Variants in CRYBG2 observed in about 807,000 individuals in gnomAD.
The protein encoded by CRYBG2 is crystallin beta-gamma domain containing 2.
A neutral mutation model predicts 153.4 loss-of-function variants in CRYBG2; 106 were observed. That is an observed-to-expected ratio of 0.69 (90% CI 0.59 to 0.81). The LOEUF (loss-of-function observed/expected upper bound fraction) is 0.81, where lower values mean the gene tolerates loss of function less well. CRYBG2 is among the 30% of genes least tolerant of loss of function. The probability of loss-of-function intolerance (pLI) is 0.00; values close to 1 mark genes in which losing one functional copy is unlikely to be tolerated. For synonymous variants in CRYBG2, 851 were observed against 877.8 expected, an observed-to-expected ratio of 0.97 and a Z score of 0.54; for missense variants, 1,996 against 2,112.0, an observed-to-expected ratio of 0.95 and a Z score of 1.08.
intron 15 of CRYBG2, among the ~76,000 whole-genome samples, chr1:26,330,599 C>T (rs931167886): frequency 7.4e-6 from 1 of 135,784 alleles, no homozygotes; most frequent in Non-Finnish European, 1.5e-5. Context: ...AGTACGGTGG[C>T]GTTATCAGGG....
intron 18 of CRYBG2, among the ~76,000 whole-genome samples, chr1:26,322,716 C>A (rs1044281232): frequency 1.3e-5 from 2 of 152,162 alleles, no homozygotes; most frequent in African/African-American, 4.8e-5. Context: ...ACCTGCCCCA[C>A]GGTACTCTAG....
Position 26,346,134 on chromosome 1 carries a change from G to A in CRYBG2, c.524C>T (p.Thr175Ile), listed in dbSNP as rs371687538. The A allele has an allele frequency of 1.7e-4, 268 of 1,560,618 alleles. No homozygotes were observed. The highest frequency in any genetic ancestry group is 2.2e-4 in the Non-Finnish European group (256 of 1,157,998). The change falls in exon 2 of 20, where the codon ACA becomes ATA. Residue 175 changes from threonine (T) to isoleucine (I), a missense_variant. By Grantham distance (89) the Thr-to-Ile change is moderately conservative (BLOSUM62 -1). Coordinates refer to ENST00000308182, the MANE Select transcript of CRYBG2 (RefSeq NM_001039775.4). The surrounding 1 kb of genome is among the most constrained non-coding windows in gnomAD (Gnocchi z 4.9). ...CACTGTGGTGGTCCGCACAGTGCGT[G>A]TCACTCGGTATTCCTCGAGGCTCCG... is the stretch of plus-strand genomic sequence containing the variant. The part of the protein sequence containing the change: ...SSRSLEEYRV[T>I]RTVRTTTVVG...
At chr1:26,337,028 C>T (rs748980242) in intron 10 of CRYBG2, 48 bp from the exon 11 acceptor site, 2 of 1,606,446 alleles carry the variant, frequency 1.2e-6, no homozygotes, top group African/African-American at 2.7e-5. Flanking sequence ...AAACCGAAAC[C>T]CCTGGGAGTG....
At chr1:26,335,737 T>C (rs1161628627) in intron 14 of CRYBG2, among the ~76,000 whole-genome samples, 3 of 151,728 alleles carry the variant, frequency 2.0e-5, no homozygotes, top group African/African-American at 4.8e-5. Flanking sequence ...TATGAATAAA[T>C]TGTTATTAAT....
intron 5 of CRYBG2, among the ~76,000 whole-genome samples, chr1:26,341,586 A>G (rs1311136203): frequency 6.6e-6 from 1 of 151,920 alleles, no homozygotes; most frequent in Non-Finnish European, 1.5e-5. Flanking sequence ...TCCCGAGTTC[A>G]AGCGATTTTC....
chr1:26,329,469 C>T (rs1224284839), intron 15 of CRYBG2, among the ~76,000 whole-genome samples: 1 of 144,158 alleles, frequency 6.9e-6, no homozygotes, highest in Non-Finnish European at 1.5e-5. Context: ...AGCCACCATG[C>T]GCAGCTTAGA....
In CRYBG2 at chr1:26,336,653, A is replaced by G. The variant is rs1219322170; in HGVS notation, c.3991T>C (p.Trp1331Arg). The G allele has an allele frequency of 1.3e-6, 2 of 1,552,308 alleles. No homozygotes were observed. Among genetic ancestry groups the G allele is most frequent in the Middle Eastern group, 1.7e-4 (1 of 5,976 alleles). The change falls in exon 12 of 20, where the codon TGG becomes CGG. Residue 1331 changes from tryptophan (W) to arginine (R), a missense_variant. Coordinates refer to ENST00000308182, the MANE Select transcript of CRYBG2 (RefSeq NM_001039775.4). The surrounding 1 kb of genome is among the most constrained non-coding windows in gnomAD (Gnocchi z 4.9). ...GCGAGGGTGCTGTTGCCAGCGCCCC[A>G]GTCCTCGCAGTTACGATACACGCCC... ...EKGVYRNCEDWGAGNSTLASL... is the reference protein window; with the variant it reads ...EKGVYRNCEDRGAGNSTLASL...
chr1:26,336,966 C>T lies in CRYBG2; in HGVS notation c.3786G>A (p.Pro1262=), dbSNP rs148396600. The T allele has an allele frequency of 1.7e-4, 279 of 1,613,530 alleles. 1 individual carries two copies. The highest frequency in any genetic ancestry group is 2.1e-4 in the Non-Finnish European group (249 of 1,179,882). ...CCATGGCCTCAAATAGCACGACGGC[C>T]GGGTCCCCGAAGTCCTGGGTCCCCA... ...LRVIRTDFGD[P]AVVLFEAMDF... Residue 1262 remains proline, a synonymous_variant, in exon 11 of 20, where the codon CCG becomes CCA. Coordinates refer to ENST00000308182, the MANE Select transcript of CRYBG2 (RefSeq NM_001039775.4). The surrounding 1 kb of genome is among the most constrained non-coding windows in gnomAD (Gnocchi z 4.9).
chr1:26,322,374 C>T (rs774869930), intron 18 of CRYBG2, 51 bp from the exon 19 acceptor site: 14 of 1,566,484 alleles, frequency 8.9e-6, no homozygotes, highest in Middle Eastern at 3.9e-4. Flanking sequence ...AGGGACTCTA[C>T]TGTACCCAAG....
At chr1:26,338,499 C>A in intron 6 of CRYBG2, 22 bp from the exon 7 acceptor site, 1 of 1,585,156 alleles carries the variant, frequency 6.3e-7, no homozygotes, top group Non-Finnish European at 8.6e-7. Flanking sequence ...AGAGAGGCTG[C>A]TGCACCCTAG....
Position 26,344,285 on chromosome 1 carries a change from G to A in CRYBG2, c.2373C>T (p.Ser791=). 6.6e-7 allele frequency: 1 copy of A among 1,518,948 alleles called. No homozygotes were observed. Among genetic ancestry groups the A allele is most frequent in the Non-Finnish European group, 8.8e-7 (1 of 1,135,880 alleles). 94.1% of individuals were successfully genotyped at this position (1,518,948 alleles called of 1,614,324 possible). Residue 791 remains serine (S), a synonymous_variant, in exon 2 of 20, where the codon TCC becomes TCT. Coordinates refer to ENST00000308182, the MANE Select transcript of CRYBG2 (RefSeq NM_001039775.4). The part of the protein sequence containing the change: ...RTHRLPRAPR[S]SYLSMYATLP... ...GCGTGGCGTACATGGACAGGTAGGA[G>A]GAGCGAGGGGCTCGTGGCAGCCGGT...
intron 5 of CRYBG2, among the ~76,000 whole-genome samples, chr1:26,340,885 G>A (rs2074120905): frequency 6.6e-6 from 1 of 151,750 alleles, no homozygotes. Context: ...CCAAAGTGTT[G>A]GGATTACAGG....
At chr1:26,335,188 C>T (rs1284181982) in intron 14 of CRYBG2, among the ~76,000 whole-genome samples, 1 of 151,864 alleles carries the variant, frequency 6.6e-6, no homozygotes, top group East Asian at 1.9e-4. Flanking sequence ...ATCAAAACTA[C>T]TGGGGTCGCC....
chr1:26,345,220 C>A lies in CRYBG2; in HGVS notation c.1438G>T (p.Val480Leu). 4.7e-6 allele frequency: 7 copies of A among 1,477,544 alleles called. No homozygotes were observed. The highest frequency in any genetic ancestry group is 6.4e-6 in the Non-Finnish European group (7 of 1,089,696). 91.5% of individuals were successfully genotyped at this position (1,477,544 alleles called of 1,614,324 possible). A position where few individuals can be genotyped will look rare whatever the true frequency, so the allele number is the denominator to read the frequency against. Residue 480 changes from valine to leucine, a missense_variant, in exon 2 of 20, where the codon GTG becomes TTG. Transcript: ENST00000308182. ...PAASSPTRKE[V>L]VQGSSASAAS... is the part of the protein sequence containing the mutation. ...GCAGAAGCACTGGACCCCTGCACCACCTCCTTCCGGGTGGGAGATGAGGCA... is the reference window on the plus strand; with the variant it reads ...GCAGAAGCACTGGACCCCTGCACCAACTCCTTCCGGGTGGGAGATGAGGCA...
At chr1:26,339,022 G>A (rs1327493338) in intron 6 of CRYBG2, among the ~76,000 whole-genome samples, 1 of 152,214 alleles carries the variant, frequency 6.6e-6, no homozygotes, top group Non-Finnish European at 1.5e-5. Context: ...CCCTCATGGA[G>A]CTTAGATTCT....
rs912089501 is a variant in CRYBG2, at chr1:26,338,283, G to A, written c.3471+68C>T. On this transcript the variant is annotated intron_variant, in intron 7 of 19. Transcript: ENST00000308182. ...CCCCCATCCCTTCCCACAGACTGCA[G>A]GACCAGCTACTTGGGACCAGGGGCA... 7.8e-6 allele frequency: 12 copies of A among 1,532,868 alleles called. No homozygotes were observed. The African/African-American group carries it at 1.7e-4, about 21-fold the overall frequency. The allele number at this position is 1,532,868 out of a possible 1,614,324, so 95.0% of individuals were successfully genotyped here.
Position 26,336,004 on chromosome 1 carries a change from G to T in CRYBG2, c.4184+91C>A. The T allele has an allele frequency of 9.0e-7, 1 of 1,105,276 alleles. No homozygotes were observed. Among genetic ancestry groups the T allele is most frequent in the Non-Finnish European group, 1.3e-6 (1 of 793,322 alleles). 68.5% of individuals were successfully genotyped at this position (1,105,276 alleles called of 1,614,324 possible). The stretch of plus-strand genomic sequence containing the variant: ...AGACAGAACAGTTCATCGCAAGGTA[G>T]CCAAAGGAAGGAAATCATTTGAAAG... On this transcript the variant is annotated intron_variant, in intron 14 of 19. Transcript: ENST00000308182. The surrounding 1 kb of genome is among the most constrained non-coding windows in gnomAD (Gnocchi z 4.9).
At position 26,344,099 on chromosome 1, in the gene CRYBG2, C is replaced by A; in HGVS notation, c.2559G>T (p.Gly853=). 6.5e-7 allele frequency: 1 copy of A among 1,536,130 alleles called. No individual in the cohort carries two copies. The highest frequency in any genetic ancestry group is 1.2e-5 in the South Asian group (1 of 84,066). The change falls in exon 2 of 20, where the codon GGG becomes GGT. Residue 853 remains glycine, a synonymous_variant. Transcript: ENST00000308182. ...EKLQRRQEKA[G]PSPSRDLHPA... ...GGTGGAGGTCCCTGGAGGGGCTGGG[C>A]CCAGCTTTCTCCTGCCTGCGCTGGA...
intron 14 of CRYBG2, 101 bp from the exon 15 acceptor site, chr1:26,331,719 TC>T: frequency 6.7e-7 from 1 of 1,493,614 alleles, no homozygotes. Context: ...TTGATCATGA[TC>T]CCCTGTCCCA....
Sources: gnomAD v4.1 joint callset for allele counts (sites outside exome capture counted in the v4.1 genomes callset) on GRCh38, gnomAD v4.1.1 for gene constraint, Gnocchi (gnomAD v3.1) non-coding constraint, MANE v1.5 for transcripts, NCBI Gene and HGNC (gene_info 2026-07-23, HGNC 2026-07-21) for gene names.